The following SMYD3 variants were observed in gnomAD, a reference collection of about 807,000 sequenced individuals.
SMYD3 encodes the protein SET and MYND domain containing 3.
SMYD3 carries 36 observed loss-of-function variants against 57.7 expected under a neutral mutation model. The observed-to-expected ratio is 0.62, with a 90% CI of 0.48 to 0.82. The LOEUF is 0.82. Among genes scored for constraint, SMYD3 ranks in the 40% least tolerant of loss-of-function variants. The pLI is 0.00. For synonymous variants in SMYD3, 211 were observed against 195.0 expected, an observed-to-expected ratio of 1.08 and a Z score of -0.68; for missense variants, 515 against 538.8, an observed-to-expected ratio of 0.96 and a Z score of 0.44.
At chr1:245,873,414 T>C (rs1482028101) in intron 8 of SMYD3, among the ~76,000 whole-genome samples, 1 of 152,194 alleles carries the variant, frequency 6.6e-6, no homozygotes, top group Non-Finnish European at 1.5e-5. Context: ...AATACTGTTG[T>C]GTAAACGCTA....
intron 9 of SMYD3, among the ~76,000 whole-genome samples, chr1:245,861,260 A>G (rs2051530664): frequency 1.3e-5 from 2 of 152,008 alleles, no homozygotes. Flanking sequence ...ACTACAATTC[A>G]CTCTGTTCCA....
intron 5 of SMYD3, among the ~76,000 whole-genome samples, chr1:245,978,517 C>T (rs906314182): frequency 4.6e-5 from 7 of 152,144 alleles, no homozygotes; most frequent in Admixed American, 4.6e-4. Flanking sequence ...CGTCTTTCTA[C>T]TTCACGAGTG....
At chr1:246,233,660 A>G (rs374470516) in intron 5 of SMYD3, among the ~76,000 whole-genome samples, 3 of 131,480 alleles carry the variant, frequency 2.3e-5, no homozygotes, top group Admixed American at 7.8e-5. Flanking sequence ...TGATGAACAT[A>G]TACCACACAG....
At chr1:246,458,973 G>T (rs2067749840) in intron 1 of SMYD3, among the ~76,000 whole-genome samples, 1 of 152,090 alleles carries the variant, frequency 6.6e-6, no homozygotes, top group Non-Finnish European at 1.5e-5. Context: ...TGTAGAATAG[G>T]ATGTTGATAT....
At chr1:246,372,728 C>T (rs549785165) in intron 1 of SMYD3, among the ~76,000 whole-genome samples, 13 of 152,258 alleles carry the variant, frequency 8.5e-5, no homozygotes, top group African/African-American at 2.4e-4. Context: ...CAGTGGCTCA[C>T]GCCCGTAATC....
rs58058446 is a variant in SMYD3, at chr1:246,037,600, G to A, written c.532-107663C>T. Among the ~76,000 whole-genome samples the A allele has an allele frequency of 2.0e-3, 306 of 152,314 alleles. 4 individuals carry two copies. The highest frequency in any genetic ancestry group is 6.9e-3 in the African/African-American group (286 of 41,574). The stretch of plus-strand genomic sequence containing the variant: ...CCATCTTTCCTGCTCCGGCAATGCC[G>A]TTCTCTCTCTTTGTCCCTGCCTTCA... On this transcript the variant is annotated intron_variant, in intron 5 of 11. Coordinates refer to ENST00000490107, the MANE Select transcript of SMYD3 (RefSeq NM_001167740.2).
chr1:246,398,006 C>G (rs917017935), intron 1 of SMYD3, among the ~76,000 whole-genome samples: 5 of 151,612 alleles, frequency 3.3e-5, no homozygotes, highest in Non-Finnish European at 7.4e-5. Flanking sequence ...AGTCCTGGGT[C>G]GTGGGTCTGG....
At chr1:245,887,233 C>A (rs140948736) in intron 8 of SMYD3, among the ~76,000 whole-genome samples, 29 of 152,240 alleles carry the variant, frequency 1.9e-4, no homozygotes, top group Non-Finnish European at 3.8e-4. Context: ...ATGAGAGTGA[C>A]CTCTAGTCAT....
intron 5 of SMYD3, among the ~76,000 whole-genome samples, chr1:246,293,078 C>T (rs1252367305): frequency 6.6e-6 from 1 of 151,924 alleles, no homozygotes; most frequent in Non-Finnish European, 1.5e-5. Flanking sequence ...ATGTATGATG[C>T]TATTCCATAC....
At chr1:245,769,315 T>C (rs950205413) in intron 10 of SMYD3, among the ~76,000 whole-genome samples, 5 of 152,208 alleles carry the variant, frequency 3.3e-5, no homozygotes, top group Non-Finnish European at 7.3e-5. Context: ...GGAATTATTT[T>C]TGACCACCCC....
intron 5 of SMYD3, among the ~76,000 whole-genome samples, chr1:245,957,564 C>T (rs779125168): frequency 1.3e-5 from 2 of 152,226 alleles, no homozygotes; most frequent in South Asian, 2.1e-4. Flanking sequence ...TCTTCCCTAG[C>T]GTTGCTGTAT....
At chr1:246,003,635 T>C (rs2059118915) in intron 5 of SMYD3, among the ~76,000 whole-genome samples, 1 of 152,198 alleles carries the variant, frequency 6.6e-6, no homozygotes, top group African/African-American at 2.4e-5. Context: ...TAGATGTACC[T>C]TTTTCAGCAA....
chr1:245,966,198 G>T (rs1435435266), intron 5 of SMYD3, among the ~76,000 whole-genome samples: 1 of 151,542 alleles, frequency 6.6e-6, no homozygotes, highest in Non-Finnish European at 1.5e-5. Flanking sequence ...TAGAGACAGG[G>T]TCTCACTCTG....
chr1:246,067,197 G>A (rs1433169706), intron 5 of SMYD3, among the ~76,000 whole-genome samples: 1 of 152,172 alleles, frequency 6.6e-6, no homozygotes, highest in Admixed American at 6.5e-5. Context: ...AGTAAATATT[G>A]TCATCAAGCT....
rs111708854 is a variant in SMYD3, at chr1:245,882,922, A to G, written c.814-19036T>C. 4.6e-5 allele frequency among the ~76,000 whole-genome samples: 7 copies of G among 152,348 alleles called. 1 individual carries two copies. Among genetic ancestry groups the G allele is most frequent in the African/African-American group, 1.7e-4 (7 of 41,580 alleles). On this transcript the variant is annotated intron_variant, in intron 8 of 11. Coordinates refer to ENST00000490107, the MANE Select transcript of SMYD3 (RefSeq NM_001167740.2). The stretch of plus-strand genomic sequence containing the variant: ...AAGCTCAATCAATAAAGAGACTTAT[A>G]TGGGCAAACTGTTTTCAAGAGTACA...
At chr1:245,799,723 G>T (rs959814070) in intron 10 of SMYD3, among the ~76,000 whole-genome samples, 1 of 152,200 alleles carries the variant, frequency 6.6e-6, no homozygotes, top group South Asian at 2.1e-4. Flanking sequence ...CTTCTCTGTG[G>T]TATCTGCTAA....
intron 1 of SMYD3, among the ~76,000 whole-genome samples, chr1:246,408,496 T>A (rs1415978017): frequency 6.6e-6 from 1 of 152,066 alleles, no homozygotes; most frequent in Non-Finnish European, 1.5e-5. Flanking sequence ...ATCAATATTT[T>A]ACTATACAGG....
intron 5 of SMYD3, among the ~76,000 whole-genome samples, chr1:245,961,765 C>T (rs2185075): frequency 0.12 from 18,859 of 151,970 alleles, 1,515 homozygotes; most frequent in East Asian, 0.41. Flanking sequence ...GATGCCCCTT[C>T]GACACATGTT....
At chr1:245,987,213 A>G (rs1027746412) in intron 5 of SMYD3, among the ~76,000 whole-genome samples, 2 of 152,226 alleles carry the variant, frequency 1.3e-5, no homozygotes, top group Non-Finnish European at 2.9e-5. Context: ...ATAATCAGCC[A>G]CTGATCAATT....
Sources: allele counts gnomAD v4.1 joint callset (sites outside exome capture counted in the v4.1 genomes callset), GRCh38; gene constraint gnomAD v4.1.1; transcripts MANE v1.5; gene names NCBI Gene and HGNC (gene_info 2026-07-23, HGNC 2026-07-21).